Variants in ZDHHC14 observed in about 807,000 individuals in gnomAD.
ZDHHC14 encodes the protein palmitoyltransferase ZDHHC14.
A neutral mutation model predicts 47.7 loss-of-function variants in ZDHHC14; 16 were observed. That is an observed-to-expected ratio of 0.34 (90% CI 0.23 to 0.51). The LOEUF (loss-of-function observed/expected upper bound fraction) is 0.51. ZDHHC14 is among the 20% of genes least tolerant of loss of function. The pLI, the probability that ZDHHC14 is intolerant of heterozygous loss-of-function variation, is 0.97. For missense variants in ZDHHC14, 515 were observed against 662.5 expected (o/e 0.78, Z 2.44); for synonymous variants, 293 against 278.9 (o/e 1.05, Z -0.50).
At chr6:157,455,097 G>A (rs1278532109) in intron 1 of ZDHHC14, among the ~76,000 whole-genome samples, 1 of 152,200 alleles carries the variant, frequency 6.6e-6, no homozygotes, top group East Asian at 1.9e-4. Flanking sequence ...GGCGCAGCCA[G>A]GCCACTTTGA....
intron 1 of ZDHHC14, among the ~76,000 whole-genome samples, chr6:157,382,568 C>T (rs1159567649): frequency 6.6e-6 from 1 of 152,106 alleles, no homozygotes; most frequent in Non-Finnish European, 1.5e-5. Flanking sequence ...GGTCCCTGAT[C>T]CTTGGGGCGC....
At chr6:157,470,646 A>G (rs1366800822) in intron 1 of ZDHHC14, among the ~76,000 whole-genome samples, 2 of 152,242 alleles carry the variant, frequency 1.3e-5, no homozygotes, top group Non-Finnish European at 2.9e-5. Flanking sequence ...ATATAGTTTT[A>G]AACACTGTTA....
chr6:157,467,507 A>C (rs889432853), intron 1 of ZDHHC14, among the ~76,000 whole-genome samples: 16 of 149,732 alleles, frequency 1.1e-4, no homozygotes, highest in Admixed American at 7.4e-4. Context: ...TGAGTTCTTC[A>C]TTCCTCATTT....
intron 8 of ZDHHC14, among the ~76,000 whole-genome samples, chr6:157,657,184 G>C (rs939057972): frequency 3.9e-5 from 6 of 151,980 alleles, no homozygotes; most frequent in Non-Finnish European, 8.8e-5. Flanking sequence ...TGAGTAGCTG[G>C]GACCACAGGC....
At chr6:157,539,183 G>A (rs1781654764) in intron 1 of ZDHHC14, among the ~76,000 whole-genome samples, 1 of 152,064 alleles carries the variant, frequency 6.6e-6, no homozygotes, top group African/African-American at 2.4e-5. Context: ...GCTGAGGCAG[G>A]AGGATTACTC....
intron 1 of ZDHHC14, among the ~76,000 whole-genome samples, chr6:157,508,903 G>A (rs1413307869): frequency 6.6e-6 from 1 of 152,096 alleles, no homozygotes; most frequent in African/African-American, 2.4e-5. Context: ...ATAAGTTATA[G>A]TTTCTTTGAA....
intron 1 of ZDHHC14, among the ~76,000 whole-genome samples, chr6:157,473,574 G>A (rs1054225463): frequency 6.6e-6 from 1 of 152,020 alleles, no homozygotes; most frequent in South Asian, 2.1e-4. Flanking sequence ...TTCGATTTGG[G>A]AGTTTTTTCA....
chr6:157,517,377 C>T (rs544195664), intron 1 of ZDHHC14, among the ~76,000 whole-genome samples: 1 of 151,112 alleles, frequency 6.6e-6, no homozygotes, highest in Non-Finnish European at 1.5e-5. Context: ...TGCAGTGGCG[C>T]AGTCTCAACT....
In ZDHHC14 at chr6:157,628,446, A is replaced by G; in HGVS notation, c.663A>G (p.Thr221=). 1 of 1,613,030 alleles carries G rather than the reference A, an allele frequency of 6.2e-7. No individual in the cohort carries two copies. The highest frequency in any genetic ancestry group is 8.5e-7 in the Non-Finnish European group (1 of 1,179,828). The change falls in exon 4 of 9, where the codon ACA becomes ACG. Residue 221 remains threonine (T), a synonymous_variant. Transcript: ENST00000359775. ...TTATTTTATCTCTGTCTTTTCTGAC[A>G]GTCTTTATATTTGCATTCGTTATCA... ...YMFILSLSFL[T]VFIFAFVITH... is the part of the protein sequence containing the mutation.
chr6:157,668,464 A>T (rs2115012284), intron 8 of ZDHHC14, among the ~76,000 whole-genome samples: 1 of 151,250 alleles, frequency 6.6e-6, no homozygotes, highest in East Asian at 1.9e-4. Flanking sequence ...AAGGCAGATC[A>T]CTTGAGGTCA....
intron 1 of ZDHHC14, among the ~76,000 whole-genome samples, chr6:157,467,090 C>T (rs1042479283): frequency 3.9e-5 from 6 of 152,000 alleles, no homozygotes; most frequent in African/African-American, 9.7e-5. Flanking sequence ...AAACACCATC[C>T]GAGTTTTTAA....
At chr6:157,567,714 C>T (rs757682235) in intron 2 of ZDHHC14, among the ~76,000 whole-genome samples, 36 of 151,234 alleles carry the variant, frequency 2.4e-4, no homozygotes, top group South Asian at 2.1e-4. Context: ...CTACTTGGGA[C>T]GCTGAGACAG....
intron 2 of ZDHHC14, among the ~76,000 whole-genome samples, chr6:157,584,936 G>T (rs1319756216): frequency 6.6e-6 from 1 of 152,164 alleles, no homozygotes; most frequent in Non-Finnish European, 1.5e-5. Flanking sequence ...TGGGCACGGT[G>T]GCTCATGGCT....
intron 5 of ZDHHC14, among the ~76,000 whole-genome samples, chr6:157,639,788 A>G (rs543056): frequency 0.41 from 62,231 of 151,962 alleles, 14,361 homozygotes; most frequent in Non-Finnish European, 0.52. Context: ...CCTGGGGGAA[A>G]GGGTTGCGCT....
At chr6:157,655,745 A>G (rs1296650847) in intron 8 of ZDHHC14, among the ~76,000 whole-genome samples, 1 of 152,234 alleles carries the variant, frequency 6.6e-6, no homozygotes, top group East Asian at 1.9e-4. Flanking sequence ...GAGCAGATAC[A>G]TGAAGGAAGC....
chr6:157,416,636 C>T (rs1490379739), intron 1 of ZDHHC14, among the ~76,000 whole-genome samples: 1 of 133,510 alleles, frequency 7.5e-6, no homozygotes. Context: ...CCACTGCACT[C>T]CAGCCTGGGT....
rs1778989548 is a variant in ZDHHC14 at position 157,677,559 on chromosome 6, G to C, written c.*4437G>C. Reference sequence around the variant, plus strand: ...CGAATTTGCAGCTGCCACAAAACTAGATAAATAGCCACAACTGGAGTTATT... The same window carrying C: ...CGAATTTGCAGCTGCCACAAAACTACATAAATAGCCACAACTGGAGTTATT... On this transcript the variant is annotated 3_prime_UTR_variant, in exon 9 of 9. Transcript: ENST00000359775. The C allele has an allele frequency of 6.6e-6, 1 of 152,032 alleles. No homozygotes were observed. The highest frequency in any genetic ancestry group is 1.5e-5 in the Non-Finnish European group (1 of 68,022). The allele number at this position is 152,032 out of a possible 1,614,324, so 9.4% of individuals were successfully genotyped here.
chr6:157,609,144 C>T (rs1784660327), intron 3 of ZDHHC14, among the ~76,000 whole-genome samples: 1 of 152,186 alleles, frequency 6.6e-6, no homozygotes, highest in South Asian at 2.1e-4. Context: ...ACTACCTGGA[C>T]CCCTTGGGTT....
chr6:157,666,211 T>G (rs1052480808), intron 8 of ZDHHC14, among the ~76,000 whole-genome samples: 1 of 152,242 alleles, frequency 6.6e-6, no homozygotes, highest in Non-Finnish European at 1.5e-5. Context: ...TCCTTTGGGA[T>G]CGCATGCTAA....
Sources: gnomAD v4.1 joint callset for allele counts (sites outside exome capture counted in the v4.1 genomes callset) on GRCh38, gnomAD v4.1.1 for gene constraint, MANE v1.5 for transcripts, NCBI Gene and HGNC (gene_info 2026-07-23, HGNC 2026-07-21) for gene names.